AGBL4: variants seen among roughly 807,000 people sequenced by gnomAD.
AGBL4 encodes cytosolic carboxypeptidase 6.
Under a neutral mutation model 66.4 loss-of-function variants are expected in AGBL4, and 58 were observed. That is an observed-to-expected ratio of 0.87 (90% CI 0.71 to 1.09). The LOEUF is 1.09. Among genes scored for constraint, AGBL4 ranks in the 50% least tolerant of loss-of-function variants. The pLI is 0.00. For synonymous variants in AGBL4, 234 were observed against 222.9 expected (o/e 1.05, Z -0.44); for missense variants, 579 against 631.0 (o/e 0.92, Z 0.88).
At chr1:48,540,662 A>C (rs1334984025) in intron 11 of AGBL4, among the ~76,000 whole-genome samples, 1 of 152,146 alleles carries the variant, frequency 6.6e-6, no homozygotes, top group Non-Finnish European at 1.5e-5. Flanking sequence ...ATCTCACAGC[A>C]AGAGAATTAT....
chr1:49,777,891 G>A (rs1234535332), intron 2 of AGBL4, among the ~76,000 whole-genome samples: 1 of 152,158 alleles, frequency 6.6e-6, no homozygotes, highest in Admixed American at 6.5e-5. Context: ...AGCAAATGGA[G>A]AAACATTTAG....
intron 11 of AGBL4, among the ~76,000 whole-genome samples, chr1:48,577,001 C>T (rs578105851): frequency 1.1e-4 from 17 of 152,234 alleles, no homozygotes; most frequent in Non-Finnish European, 2.1e-4. Flanking sequence ...GCAGAAATGA[C>T]TCAACATCTT....
At chr1:49,285,591 T>C (rs1644385407) in intron 3 of AGBL4, among the ~76,000 whole-genome samples, 1 of 152,030 alleles carries the variant, frequency 6.6e-6, no homozygotes, top group Non-Finnish European at 1.5e-5. Context: ...AGCTGGTTTT[T>C]TGAAAGGATC....
At chr1:49,832,343 T>A (rs12724246) in intron 2 of AGBL4, among the ~76,000 whole-genome samples, 1 of 148,350 alleles carries the variant, frequency 6.7e-6, no homozygotes, top group Non-Finnish European at 1.5e-5. Flanking sequence ...TTTTTATGGC[T>A]GCATAGTATT....
chr1:49,238,246 C>T (rs1650942005), intron 4 of AGBL4, among the ~76,000 whole-genome samples: 1 of 152,098 alleles, frequency 6.6e-6, no homozygotes, highest in Admixed American at 6.6e-5. Flanking sequence ...ATGATTTCAT[C>T]CATTTTAAAC....
chr1:49,579,721 G>C (rs565244869), intron 3 of AGBL4, among the ~76,000 whole-genome samples: 1 of 152,062 alleles, frequency 6.6e-6, no homozygotes, highest in Admixed American at 6.6e-5. Flanking sequence ...GGATGGTCTC[G>C]ATCTCCTGAC....
At chr1:48,913,074 A>G (rs921194231) in intron 5 of AGBL4, among the ~76,000 whole-genome samples, 1 of 152,292 alleles carries the variant, frequency 6.6e-6, no homozygotes, top group African/African-American at 2.4e-5. Flanking sequence ...TTATATCACT[A>G]CAGGAAGAAA....
chr1:48,874,147 C>T (rs1457360661), intron 5 of AGBL4, among the ~76,000 whole-genome samples: 1 of 152,158 alleles, frequency 6.6e-6, no homozygotes, highest in Non-Finnish European at 1.5e-5. Flanking sequence ...CGGGGGAGGA[C>T]TTGGGGATCA....
chr1:48,939,359 T>G (rs1655753560), intron 5 of AGBL4, among the ~76,000 whole-genome samples: 1 of 152,246 alleles, frequency 6.6e-6, no homozygotes, highest in Admixed American at 6.5e-5. Flanking sequence ...CTGATCTGAT[T>G]TGTACAGCGA....
At chr1:49,919,202 C>A (rs960817196) in intron 1 of AGBL4, among the ~76,000 whole-genome samples, 3 of 152,168 alleles carry the variant, frequency 2.0e-5, no homozygotes, top group African/African-American at 7.2e-5. Context: ...TCTCACCACT[C>A]CTATTCAACA....
At chr1:48,724,434 A>G (rs11205528) in intron 6 of AGBL4, among the ~76,000 whole-genome samples, 151,319 of 152,290 alleles carry the variant, frequency 0.99, 75,184 homozygotes, top group East Asian at 1. Flanking sequence ...CTGTGGGTTA[A>G]GGCTTGGGCA....
chr1:49,286,459 A>G (rs1488237429), intron 3 of AGBL4, among the ~76,000 whole-genome samples: 2 of 152,168 alleles, frequency 1.3e-5, no homozygotes, highest in East Asian at 1.9e-4. Context: ...ATATCTAGAA[A>G]ACCCCATTGG....
chr1:48,879,565 AT>A (rs1166891560), intron 5 of AGBL4, among the ~76,000 whole-genome samples: 1 of 152,134 alleles, frequency 6.6e-6, no homozygotes, highest in Admixed American at 6.5e-5. Context: ...ATTTATTTCA[AT>A]TTTTTGACAT....
chr1:48,826,708 CTTAA>C (rs892552306), intron 6 of AGBL4, among the ~76,000 whole-genome samples: 1 of 152,162 alleles, frequency 6.6e-6, no homozygotes, highest in African/African-American at 2.4e-5. Flanking sequence ...TCTTGTTCCC[CTTAA>C]TTGTTTCCAT....
chr1:49,037,445 T>C (rs1336134394), intron 5 of AGBL4, among the ~76,000 whole-genome samples: 2 of 152,058 alleles, frequency 1.3e-5, no homozygotes, highest in African/African-American at 2.4e-5. Context: ...CTAGCTTCCC[T>C]CAGGATACAG....
chr1:48,727,104 T>C (rs1034956817), intron 6 of AGBL4, among the ~76,000 whole-genome samples: 2 of 152,108 alleles, frequency 1.3e-5, no homozygotes, highest in Non-Finnish European at 2.9e-5. Flanking sequence ...GAATAAAGAA[T>C]GAGATAAAAA....
At chr1:49,491,974 CTAA>C (rs1647194356) in intron 3 of AGBL4, among the ~76,000 whole-genome samples, 1 of 151,768 alleles carries the variant, frequency 6.6e-6, no homozygotes, top group African/African-American at 2.4e-5. Context: ...ACAGCAATAA[CTAA>C]TAATAAAATA....
At chr1:48,905,891 G>C (rs1652540384) in intron 5 of AGBL4, among the ~76,000 whole-genome samples, 1 of 152,130 alleles carries the variant, frequency 6.6e-6, no homozygotes, top group African/African-American at 2.4e-5. Context: ...GAAAAATACT[G>C]ATTGACCACT....
chr1:49,184,684 G>C (rs1262861102), intron 4 of AGBL4, among the ~76,000 whole-genome samples: 1 of 152,116 alleles, frequency 6.6e-6, no homozygotes, highest in Non-Finnish European at 1.5e-5. Flanking sequence ...TTCTGCAAAG[G>C]CTTACATTGA....
Sources: allele counts gnomAD v4.1 joint callset (sites outside exome capture counted in the v4.1 genomes callset), GRCh38; gene constraint gnomAD v4.1.1; transcripts MANE v1.5; gene names NCBI Gene and HGNC (gene_info 2026-07-23, HGNC 2026-07-21).